CERKL: variants seen among roughly 807,000 people sequenced by gnomAD.
The protein encoded by CERKL is CERK like autophagy regulator.
In CERKL, 61 loss-of-function variants were observed where a neutral mutation model predicts 63.4. The ratio of observed to expected loss-of-function variants is 0.96; its 90% CI spans 0.78 to 1.19. The LOEUF (loss-of-function observed/expected upper bound fraction) is 1.19, where lower values mean the gene tolerates loss of function less well. CERKL is among the 50% of genes most tolerant of loss of function. CERKL has a pLI of 0.00. For missense variants in CERKL, 675 were observed against 655.5 expected, an observed-to-expected ratio of 1.03 and a Z score of -0.33; for synonymous variants, 250 against 230.5, an observed-to-expected ratio of 1.08 and a Z score of -0.77.
intron 4 of CERKL, among the ~76,000 whole-genome samples, chr2:181,559,850 C>T (rs1279406185): frequency 6.6e-6 from 1 of 152,112 alleles, no homozygotes; most frequent in Non-Finnish European, 1.5e-5. Context: ...CCTCTAGTCC[C>T]CATCTTCCTC....
chr2:181,646,366 T>C (rs1687671160), intron 1 of CERKL, among the ~76,000 whole-genome samples: 1 of 152,256 alleles, frequency 6.6e-6, no homozygotes, highest in Admixed American at 6.5e-5. Flanking sequence ...CTAGTTATCC[T>C]AGTTATTGTC....
rs1306686317 is a variant in CERKL at position 181,645,004 on chromosome 2, T to C, written c.238+11765A>G. Among the ~76,000 whole-genome samples, 3 of 151,946 alleles carry C rather than the reference T, an allele frequency of 2.0e-5. No individual in the cohort carries two copies. The East Asian group carries it at 5.8e-4, about 29-fold the overall frequency. On this transcript the variant is annotated intron_variant, in intron 1 of 12. Coordinates refer to ENST00000410087, the MANE Select transcript of CERKL (RefSeq NM_201548.5). The stretch of plus-strand genomic sequence containing the variant: ...GGAAATCTTATGCCATGTTGAAGAG[T>C]GTGTCTCTCATCCTGTTTTCTACTT...
At chr2:181,605,937 C>T (rs1320250055) in intron 1 of CERKL, among the ~76,000 whole-genome samples, 2 of 151,920 alleles carry the variant, frequency 1.3e-5, no homozygotes, top group South Asian at 2.1e-4. Flanking sequence ...TTCTCAGGGG[C>T]ATTTTTGGCC....
intron 2 of CERKL, among the ~76,000 whole-genome samples, chr2:181,580,954 T>C (rs1040598273): frequency 3.9e-5 from 6 of 152,160 alleles, no homozygotes; most frequent in Admixed American, 2.6e-4. Flanking sequence ...AGATTTCCTA[T>C]GTCTTCTGGG....
intron 1 of CERKL, among the ~76,000 whole-genome samples, chr2:181,611,879 G>C (rs1685982472): frequency 6.6e-6 from 1 of 152,158 alleles, no homozygotes; most frequent in South Asian, 2.1e-4. Flanking sequence ...TTTGTCTTCA[G>C]TGAAAATATT....
intron 10 of CERKL, 137 bp downstream of exon 10, chr2:181,547,481 C>A (rs1455350532): frequency 5.6e-6 from 4 of 717,786 alleles, no homozygotes; most frequent in African/African-American, 3.5e-5. Flanking sequence ...ACTGTGATGA[C>A]AAATCCCTTA....
chr2:181,609,386 T>A (rs1685859593), intron 1 of CERKL, among the ~76,000 whole-genome samples: 1 of 149,994 alleles, frequency 6.7e-6, no homozygotes, highest in African/African-American at 2.5e-5. Flanking sequence ...TATATTACAG[T>A]AAGAAAATGT....
At chr2:181,590,543 C>G (rs1684949842) in intron 2 of CERKL, among the ~76,000 whole-genome samples, 2 of 151,658 alleles carry the variant, frequency 1.3e-5, no homozygotes, top group South Asian at 2.1e-4. Flanking sequence ...AATAAAATGG[C>G]TAATATTCCT....
intron 2 of CERKL, among the ~76,000 whole-genome samples, chr2:181,589,262 C>A (rs1372428279): frequency 1.3e-5 from 2 of 152,216 alleles, no homozygotes. Context: ...TGTATAAAAA[C>A]TACTTTCAGA....
Position 181,604,024 on chromosome 2 carries a change from T to C in CERKL, c.294A>G (p.Ile98Met), listed in dbSNP as rs1271915141. 3.1e-6 allele frequency: 5 copies of C among 1,609,572 alleles called. No homozygotes were observed. The highest frequency in any genetic ancestry group is 1.1e-5 in the South Asian group (1 of 90,970). Reference sequence around the variant, plus strand: ...AACGCCGTTTCAGTTTCACAGAGAATATGTCTTTGAGTTCAATAAATTCTT... The same window carrying C: ...AACGCCGTTTCAGTTTCACAGAGAACATGTCTTTGAGTTCAATAAATTCTT... ...CKEEFIELKD[I>M]FSVKLKRRCS... Residue 98 changes from isoleucine (I) to methionine (M), a missense_variant, in exon 2 of 13, where the codon ATA (isoleucine) becomes ATG (methionine). By Grantham distance (10) the Ile-to-Met change is conservative (BLOSUM62 1). Coordinates refer to ENST00000410087, the MANE Select transcript of CERKL (RefSeq NM_201548.5).
At chr2:181,599,535 T>TCAAAACAAAACAAAA (rs60448862) in intron 2 of CERKL, among the ~76,000 whole-genome samples, 14,954 of 148,342 alleles carry the variant, frequency 0.1, 1,045 homozygotes, top group East Asian at 0.2. Flanking sequence ...AGACTCCATC[T>TCAAAACAAAACAAAA]CAAAACAAAA....
chr2:181,655,289 G>A (rs373746523), intron 1 of CERKL, among the ~76,000 whole-genome samples: 67 of 152,020 alleles, frequency 4.4e-4, no homozygotes, highest in African/African-American at 1.5e-3. Flanking sequence ...TGCTTTTTTT[G>A]TACACAAATA....
chr2:181,568,665 ATTTTC>A (rs1045422782), intron 3 of CERKL, among the ~76,000 whole-genome samples: 21 of 111,362 alleles, frequency 1.9e-4, no homozygotes, highest in African/African-American at 6.4e-4. Flanking sequence ...TCATTGGAGT[ATTTTC>A]TTTTTTTTTT....
At position 181,578,732 on chromosome 2, in the gene CERKL, C is replaced by T. The variant is rs562547532; in HGVS notation, c.482-4848G>A. ...CTGTATTTTAAAGATGACTCCATAT[C>T]ACTACATAGGATGCCATCTCACTCT... On this transcript the variant is annotated intron_variant, in intron 2 of 12. Transcript: ENST00000410087. Among the ~76,000 whole-genome samples, 14 of 152,100 alleles carry T rather than the reference C, an allele frequency of 9.2e-5. No individual in the cohort carries two copies. The East Asian group carries it at 2.3e-3, about 25-fold the overall frequency.
At chr2:181,604,293 C>T (rs989881752) in intron 1 of CERKL, among the ~76,000 whole-genome samples, 7 of 151,968 alleles carry the variant, frequency 4.6e-5, no homozygotes, top group African/African-American at 1.7e-4. Flanking sequence ...TGCACGTGTA[C>T]CCCAGAACCT....
intron 2 of CERKL, among the ~76,000 whole-genome samples, chr2:181,595,828 T>C (rs1363854116): frequency 6.6e-6 from 1 of 152,204 alleles, no homozygotes; most frequent in African/African-American, 2.4e-5. Flanking sequence ...ATTTCCCTTC[T>C]TACATGAAAA....
chr2:181,584,901 A>G lies in CERKL; in HGVS notation c.482-11017T>C, dbSNP rs115792721. 8.8e-3 allele frequency among the ~76,000 whole-genome samples: 1,335 copies of G among 151,732 alleles called. 23 individuals carry two copies. Among genetic ancestry groups the G allele is most frequent in the African/African-American group, 0.028 (1,163 of 41,364 alleles). On this transcript the variant is annotated intron_variant, in intron 2 of 12. Coordinates refer to ENST00000410087, the MANE Select transcript of CERKL (RefSeq NM_201548.5). ...GTAAGGCCCTTCATGACCCACCCTC[A>G]GCCGCATTTGTGACCTACTCTTTCC...
rs114421936 is a variant in CERKL at position 181,553,445 on chromosome 2, G to A, written c.821-3737C>T. ...TACCATGGTTAATTATGAGTAGACCGTAAAAGCATTCCTCTAGAAAGGCTA... is the reference window on the plus strand; with the variant it reads ...TACCATGGTTAATTATGAGTAGACCATAAAAGCATTCCTCTAGAAAGGCTA... On this transcript the variant is annotated intron_variant, in intron 5 of 12. Coordinates refer to ENST00000410087, the MANE Select transcript of CERKL (RefSeq NM_201548.5). Among the ~76,000 whole-genome samples, 95 of 152,226 alleles carry A rather than the reference G, an allele frequency of 6.2e-4. 2 individuals are homozygous for A. In the East Asian group the frequency reaches 0.012, roughly 20 times the overall value.
At chr2:181,548,898 G>C (rs1386277181) in intron 6 of CERKL, 41 bp from the exon 7 acceptor site, 14 of 1,564,668 alleles carry the variant, frequency 8.9e-6, no homozygotes, top group Non-Finnish European at 1.2e-5. Flanking sequence ...AGTACAGTAG[G>C]ACTTGTATCA....
Sources: gnomAD v4.1 joint callset for allele counts (sites outside exome capture counted in the v4.1 genomes callset) on GRCh38, gnomAD v4.1.1 for gene constraint, MANE v1.5 for transcripts, NCBI Gene and HGNC (gene_info 2026-07-23, HGNC 2026-07-21) for gene names.